MYO3A: variants seen among roughly 807,000 people sequenced by gnomAD.
MYO3A encodes the protein myosin IIIA.
MYO3A carries 180 observed loss-of-function variants against 192.7 expected under a neutral mutation model. The ratio of observed to expected loss-of-function variants is 0.93; its 90% CI spans 0.83 to 1.06. The LOEUF is 1.06. MYO3A is among the 50% of genes least tolerant of loss of function. MYO3A has a pLI of 0.00. For missense variants in MYO3A, 1,896 were observed against 1,905.0 expected (o/e 1.00, Z 0.09); for synonymous variants, 628 against 645.3 (o/e 0.97, Z 0.41).
At chr10:26,062,130 A>G (rs1027432375) in intron 10 of MYO3A, among the ~76,000 whole-genome samples, 5 of 152,184 alleles carry the variant, frequency 3.3e-5, no homozygotes, top group Admixed American at 3.3e-4. Flanking sequence ...TTCATGGGAT[A>G]CAACAAGAAG....
At chr10:25,978,496 A>G (rs945710131) in intron 4 of MYO3A, among the ~76,000 whole-genome samples, 1 of 152,156 alleles carries the variant, frequency 6.6e-6, no homozygotes, top group Non-Finnish European at 1.5e-5. Flanking sequence ...ACAGCACAGG[A>G]AAGACCTGCC....
chr10:26,142,245 A>G (rs1332560857), intron 20 of MYO3A, among the ~76,000 whole-genome samples: 1 of 152,238 alleles, frequency 6.6e-6, no homozygotes, highest in East Asian at 1.9e-4. Context: ...ATTGATTTAT[A>G]CACTTACCCA....
At chr10:26,121,246 G>A (rs890983241) in intron 18 of MYO3A, among the ~76,000 whole-genome samples, 1 of 150,742 alleles carries the variant, frequency 6.6e-6, no homozygotes, top group African/African-American at 2.4e-5. Flanking sequence ...TTCTACACAA[G>A]AGAAGCATGT....
chr10:26,037,835 C>A (rs1019212380), intron 10 of MYO3A, among the ~76,000 whole-genome samples: 1 of 152,106 alleles, frequency 6.6e-6, no homozygotes, highest in Admixed American at 6.5e-5. Flanking sequence ...GGGGGAAATT[C>A]TACACACTTT....
intron 27 of MYO3A, among the ~76,000 whole-genome samples, chr10:26,166,995 T>C (rs1008482599): frequency 6.6e-6 from 1 of 152,314 alleles, no homozygotes; most frequent in East Asian, 1.9e-4. Flanking sequence ...TCAGGTATTC[T>C]CATAGCATTA....
At chr10:25,995,880 G>A (rs1459561853) in intron 4 of MYO3A, among the ~76,000 whole-genome samples, 1 of 152,248 alleles carries the variant, frequency 6.6e-6, no homozygotes, top group African/African-American at 2.4e-5. Context: ...TCTCAGAGGG[G>A]TACCCGGCCC....
At chr10:26,211,238 C>T (rs892645150) in intron 34 of MYO3A, among the ~76,000 whole-genome samples, 1 of 152,206 alleles carries the variant, frequency 6.6e-6, no homozygotes, top group East Asian at 1.9e-4. Flanking sequence ...ACCCCACTTT[C>T]CAGACAAGCT....
At chr10:25,988,488 C>T (rs1411491662) in intron 4 of MYO3A, among the ~76,000 whole-genome samples, 1 of 152,160 alleles carries the variant, frequency 6.6e-6, no homozygotes, top group Non-Finnish European at 1.5e-5. Context: ...AGAGGGGCTG[C>T]AGATGGTATA....
intron 4 of MYO3A, among the ~76,000 whole-genome samples, chr10:25,990,706 C>G (rs1839968100): frequency 6.9e-6 from 1 of 144,558 alleles, no homozygotes; most frequent in South Asian, 2.3e-4. Context: ...GTTCCCCTTC[C>G]TGTGTCCAAG....
At chr10:26,075,280 T>A (rs1384195541) in intron 14 of MYO3A, among the ~76,000 whole-genome samples, 2 of 151,808 alleles carry the variant, frequency 1.3e-5, no homozygotes, top group East Asian at 1.9e-4. Context: ...TTATTTATTT[T>A]TTTTAATTTT....
At chr10:26,210,095 A>C (rs778839468) in intron 34 of MYO3A, among the ~76,000 whole-genome samples, 42 of 131,134 alleles carry the variant, frequency 3.2e-4, no homozygotes, top group Non-Finnish European at 6.2e-4. Flanking sequence ...CAGAGTGAGA[A>C]AGAGCGAAAA....
chr10:25,946,239 T>C (rs1175691867), intron 2 of MYO3A, among the ~76,000 whole-genome samples: 2 of 152,206 alleles, frequency 1.3e-5, no homozygotes, highest in African/African-American at 4.8e-5. Context: ...CATTTCAACC[T>C]AAAGGGCTTC....
chr10:26,142,378 T>C (rs1264964850), intron 20 of MYO3A, among the ~76,000 whole-genome samples: 5 of 152,178 alleles, frequency 3.3e-5, no homozygotes, highest in Non-Finnish European at 5.9e-5. Flanking sequence ...CTGGGGACAG[T>C]GTAAAGGCAG....
intron 18 of MYO3A, 147 bp downstream of exon 18, chr10:26,120,949 T>A: frequency 1.9e-6 from 2 of 1,049,878 alleles, no homozygotes; most frequent in South Asian, 3.0e-5. Flanking sequence ...AAATTAAAAT[T>A]TTAAAGTCCA....
chr10:26,018,307 T>A (rs1405973100), intron 7 of MYO3A, among the ~76,000 whole-genome samples: 1 of 152,096 alleles, frequency 6.6e-6, no homozygotes, highest in Non-Finnish European at 1.5e-5. Flanking sequence ...GTTCATATTA[T>A]ATTCATCTCT....
Position 26,153,792 on chromosome 10 carries a change from A to C in MYO3A, c.2636-58A>C, listed in dbSNP as rs573022566. 2.6e-6 allele frequency: 3 copies of C among 1,135,190 alleles called. No homozygotes were observed. In the African/African-American group the frequency reaches 4.6e-5, roughly 17 times the overall value. 70.3% of individuals were successfully genotyped at this position (1,135,190 alleles called of 1,614,324 possible). A position where few individuals can be genotyped will look rare whatever the true frequency, so the allele number is the denominator to read the frequency against. On this transcript the variant is annotated intron_variant, in intron 23 of 34. Transcript: ENST00000642920. ...TTTTAACATTTAAGTAAATGGGAAA[A>C]ATCATCTAGCCATTAAGGATTCTAA...
intron 4 of MYO3A, among the ~76,000 whole-genome samples, chr10:25,959,802 G>GGTGTGTGT (rs10543438): frequency 1.3e-5 from 2 of 149,518 alleles, no homozygotes; most frequent in Non-Finnish European, 3.0e-5. Context: ...TCTTAACCTG[G>GGTGTGTGT]GTGTGTGTGT....
chr10:26,010,346 A>G (rs1463167497), intron 6 of MYO3A, among the ~76,000 whole-genome samples: 3 of 149,234 alleles, frequency 2.0e-5, no homozygotes, highest in African/African-American at 7.7e-5. Flanking sequence ...GGTATAAAGT[A>G]CAGGAACCTC....
chr10:26,120,640 A>G (rs778392587), intron 17 of MYO3A, 36 bp from the exon 18 acceptor site: 1 of 1,613,372 alleles, frequency 6.2e-7, no homozygotes, highest in Admixed American at 1.7e-5. Context: ...GTACTCAAGG[A>G]AAGAATGATG....
Sources: gnomAD v4.1 joint callset for allele counts (sites outside exome capture counted in the v4.1 genomes callset) on GRCh38, gnomAD v4.1.1 for gene constraint, MANE v1.5 for transcripts, NCBI Gene and HGNC (gene_info 2026-07-23, HGNC 2026-07-21) for gene names.